ACTL8: variants seen among roughly 807,000 people sequenced by gnomAD.
ACTL8 encodes actin like 8.
Under a neutral mutation model 9.3 loss-of-function variants are expected in ACTL8, and 3 were observed. The observed-to-expected ratio is 0.32, with a 90% CI of 0.15 to 0.83. The LOEUF (loss-of-function observed/expected upper bound fraction) is 0.83. ACTL8 is among the 40% of genes least tolerant of loss of function. The probability of loss-of-function intolerance (pLI) is 0.57; values close to 1 mark genes in which losing one functional copy is unlikely to be tolerated. For missense variants in ACTL8, 381 were observed against 492.2 expected, an observed-to-expected ratio of 0.77 and a Z score of 2.14; for synonymous variants, 224 against 205.9, an observed-to-expected ratio of 1.09 and a Z score of -0.75.
chr1:17,797,135 C>T (rs1468174759), intron 1 of ACTL8, among the ~76,000 whole-genome samples: 1 of 151,962 alleles, frequency 6.6e-6, no homozygotes, highest in African/African-American at 2.4e-5. Flanking sequence ...TCCAAACCCA[C>T]CAGGGTTGGG....
At chr1:17,768,338 AGGCCT>A in intron 1 of ACTL8, among the ~76,000 whole-genome samples, 1 of 152,308 alleles carries the variant, frequency 6.6e-6, no homozygotes, top group African/African-American at 2.4e-5. Context: ...CCTTGTGGCG[AGGCCT>A]GGCCTGGCAG....
chr1:17,810,355 A>G (rs984074652), intron 1 of ACTL8, among the ~76,000 whole-genome samples: 5 of 152,204 alleles, frequency 3.3e-5, no homozygotes, highest in Non-Finnish European at 5.9e-5. Context: ...TCTATTTGAA[A>G]GTAAATCTCA....
At chr1:17,759,188 C>T (rs547532851) in intron 1 of ACTL8, among the ~76,000 whole-genome samples, 3 of 152,252 alleles carry the variant, frequency 2.0e-5, no homozygotes, top group Admixed American at 6.5e-5. Flanking sequence ...TGTCCAATCA[C>T]CCTTCTTGCC....
chr1:17,799,922 C>T (rs2066308090), intron 1 of ACTL8, among the ~76,000 whole-genome samples: 1 of 147,914 alleles, frequency 6.8e-6, no homozygotes, highest in Non-Finnish European at 1.5e-5. Flanking sequence ...GGTTCTATTT[C>T]TGAGCTCTCT....
At chr1:17,789,333 C>T (rs2066220907) in intron 1 of ACTL8, among the ~76,000 whole-genome samples, 2 of 152,146 alleles carry the variant, frequency 1.3e-5, no homozygotes, top group African/African-American at 4.8e-5. Flanking sequence ...TCCCATGCTC[C>T]CAGAAGGGCC....
chr1:17,773,456 A>C (rs1424297763), intron 1 of ACTL8, among the ~76,000 whole-genome samples: 1 of 152,264 alleles, frequency 6.6e-6, no homozygotes, highest in Non-Finnish European at 1.5e-5. Flanking sequence ...AAGCATTAAC[A>C]AATGCAGGCT....
Position 17,826,447 on chromosome 1 carries a change from G to T in ACTL8, c.1029G>T (p.Val343=). Residue 343 remains valine (V), a synonymous_variant, in exon 3 of 3, where the codon GTG becomes GTT. Coordinates refer to ENST00000375406, the MANE Select transcript of ACTL8 (RefSeq NM_030812.3). The surrounding 1 kb of genome is among the most constrained non-coding windows in gnomAD (Gnocchi z 4.5). ...TTAGTGTCTGGCTAGGAGCGTCCGT[G>T]GTGGCTCACCTTTCTACCTACCAGT... ...RNFSVWLGAS[V]VAHLSTYQSE... 1 of 1,613,330 alleles carries T rather than the reference G, an allele frequency of 6.2e-7. No individual in the cohort carries two copies. Among genetic ancestry groups the T allele is most frequent in the South Asian group, 1.1e-5 (1 of 90,902 alleles).
chr1:17,779,591 C>T (rs543742713), intron 1 of ACTL8, among the ~76,000 whole-genome samples: 13 of 152,280 alleles, frequency 8.5e-5, no homozygotes, highest in South Asian at 4.1e-4. Context: ...CCCTGCAAAG[C>T]GCTAAGATGA....
chr1:17,782,832 C>T (rs958876319), intron 1 of ACTL8, among the ~76,000 whole-genome samples: 10 of 152,196 alleles, frequency 6.6e-5, no homozygotes, highest in African/African-American at 1.2e-4. Flanking sequence ...ACATCTCAAA[C>T]GCCTTTTATT....
At chr1:17,798,876 C>T (rs1010266309) in intron 1 of ACTL8, among the ~76,000 whole-genome samples, 1 of 152,166 alleles carries the variant, frequency 6.6e-6, no homozygotes, top group African/African-American at 2.4e-5. Flanking sequence ...TTGCCTTAAC[C>T]GACATCACTA....
intron 1 of ACTL8, among the ~76,000 whole-genome samples, chr1:17,773,809 G>T (rs777089129): frequency 1.1e-4 from 17 of 152,224 alleles, no homozygotes; most frequent in Non-Finnish European, 1.2e-4. Context: ...ACAGCACTTG[G>T]CCCATGCCGA....
At chr1:17,774,147 C>G (rs888315246) in intron 1 of ACTL8, among the ~76,000 whole-genome samples, 5 of 152,230 alleles carry the variant, frequency 3.3e-5, no homozygotes, top group African/African-American at 1.2e-4. Context: ...CTGGGGTCCT[C>G]TGAGGCCAAA....
At chr1:17,782,330 C>T (rs925383971) in intron 1 of ACTL8, among the ~76,000 whole-genome samples, 2 of 152,102 alleles carry the variant, frequency 1.3e-5, no homozygotes, top group Non-Finnish European at 1.5e-5. Flanking sequence ...AGAGAGAATA[C>T]GGGCGAAAGT....
At chr1:17,806,386 CCTT>C (rs2066360158) in intron 1 of ACTL8, among the ~76,000 whole-genome samples, 1 of 152,232 alleles carries the variant, frequency 6.6e-6, no homozygotes, top group African/African-American at 2.4e-5. Context: ...CTCTGTTTCT[CCTT>C]CTCTTTCTTC....
intron 1 of ACTL8, among the ~76,000 whole-genome samples, chr1:17,784,549 G>T (rs551846673): frequency 4.6e-5 from 7 of 152,300 alleles, no homozygotes; most frequent in African/African-American, 1.7e-4. Context: ...AGTTGTTATT[G>T]TTCTGAAATT....
chr1:17,792,156 CAAG>C (rs1376288316), intron 1 of ACTL8, among the ~76,000 whole-genome samples: 1 of 152,188 alleles, frequency 6.6e-6, no homozygotes, highest in East Asian at 1.9e-4. Context: ...AGGTGGAGCT[CAAG>C]AAAGGGTGGA....
chr1:17,777,396 G>A (rs1259399963), intron 1 of ACTL8, among the ~76,000 whole-genome samples: 2 of 152,092 alleles, frequency 1.3e-5, no homozygotes, highest in African/African-American at 4.8e-5. Flanking sequence ...CTCAGCCCCA[G>A]GCTCATGCTG....
intron 1 of ACTL8, among the ~76,000 whole-genome samples, chr1:17,802,322 T>A (rs1197284051): frequency 6.6e-6 from 1 of 151,726 alleles, no homozygotes; most frequent in East Asian, 1.9e-4. Context: ...TGCTGGGGAG[T>A]GTTTCCCTGG....
intron 1 of ACTL8, among the ~76,000 whole-genome samples, chr1:17,791,538 G>C (rs1167461658): frequency 1.3e-5 from 2 of 152,216 alleles, no homozygotes; most frequent in Admixed American, 1.3e-4. Context: ...CAGCTCAAGT[G>C]CCTGGTGGTG....
Sources: gnomAD v4.1 joint callset for allele counts (sites outside exome capture counted in the v4.1 genomes callset) on GRCh38, gnomAD v4.1.1 for gene constraint, Gnocchi (gnomAD v3.1) non-coding constraint, MANE v1.5 for transcripts, NCBI Gene and HGNC (gene_info 2026-07-23, HGNC 2026-07-21) for gene names.